Variants in CTNNBL1 observed in about 807,000 individuals in gnomAD.
The protein encoded by CTNNBL1 is beta-catenin-like protein 1.
CTNNBL1 carries 31 observed loss-of-function variants against 72.7 expected under a neutral mutation model. The ratio of observed to expected loss-of-function variants is 0.43; its 90% CI spans 0.32 to 0.58. CTNNBL1 has a LOEUF of 0.58. Ranked by LOEUF, CTNNBL1 falls within the 20% of genes least tolerant of loss-of-function variation. The pLI, the probability that CTNNBL1 is intolerant of heterozygous loss-of-function variation, is 0.08. For synonymous variants in CTNNBL1, 240 were observed against 267.3 expected, an observed-to-expected ratio of 0.90 and a Z score of 1.00; for missense variants, 534 against 725.1, an observed-to-expected ratio of 0.74 and a Z score of 3.03.
At chr20:37,841,907 C>T (rs754854177) in intron 12 of CTNNBL1, among the ~76,000 whole-genome samples, 30 of 152,150 alleles carry the variant, frequency 2.0e-4, no homozygotes, top group Non-Finnish European at 3.8e-4. Flanking sequence ...AAAAGATCAG[C>T]TCTGGGGCAG....
At chr20:37,859,622 C>CT (rs910010748) in intron 13 of CTNNBL1, among the ~76,000 whole-genome samples, 58 of 146,162 alleles carry the variant, frequency 4.0e-4, no homozygotes, top group Admixed American at 1.1e-3. Context: ...TTTTTTTTAG[C>CT]TTTTTTTATA....
At chr20:37,709,936 C>G (rs932953240) in intron 1 of CTNNBL1, among the ~76,000 whole-genome samples, 5 of 152,156 alleles carry the variant, frequency 3.3e-5, no homozygotes, top group Non-Finnish European at 7.3e-5. Context: ...TCTATTCCAG[C>G]TTCTTCTTTG....
At chr20:37,864,589 G>A (rs970187002) in intron 15 of CTNNBL1, among the ~76,000 whole-genome samples, 3 of 152,102 alleles carry the variant, frequency 2.0e-5, no homozygotes, top group South Asian at 2.1e-4. Context: ...CAGTGCTCCC[G>A]ACGTCCAGCC....
chr20:37,853,491 C>T (rs2072413895), intron 13 of CTNNBL1, among the ~76,000 whole-genome samples: 2 of 152,152 alleles, frequency 1.3e-5, no homozygotes, highest in Admixed American at 1.3e-4. Context: ...GTTTCAGGCA[C>T]CCTTCGAAGT....
chr20:37,727,065 T>A (rs1391114825), intron 1 of CTNNBL1, among the ~76,000 whole-genome samples: 1 of 152,158 alleles, frequency 6.6e-6, no homozygotes. Flanking sequence ...TCTGGTGATG[T>A]AGCCTCTTCC....
At chr20:37,790,681 A>G (rs940196528) in intron 10 of CTNNBL1, among the ~76,000 whole-genome samples, 1 of 152,250 alleles carries the variant, frequency 6.6e-6, no homozygotes, top group Non-Finnish European at 1.5e-5. Context: ...CAAAGAAGGT[A>G]GATAAACTGA....
chr20:37,807,781 A>C (rs1261848679), intron 11 of CTNNBL1, among the ~76,000 whole-genome samples: 1 of 152,190 alleles, frequency 6.6e-6, no homozygotes, highest in East Asian at 1.9e-4. Context: ...ATGGGTTGGA[A>C]AGAAATGATT....
intron 11 of CTNNBL1, among the ~76,000 whole-genome samples, chr20:37,831,153 C>G (rs2072205951): frequency 6.6e-6 from 1 of 152,196 alleles, no homozygotes; most frequent in African/African-American, 2.4e-5. Flanking sequence ...ACATCCAGCC[C>G]TGCATCTCTC....
chr20:37,855,869 A>T (rs148954401), intron 13 of CTNNBL1, among the ~76,000 whole-genome samples: 8 of 152,194 alleles, frequency 5.3e-5, no homozygotes, highest in African/African-American at 1.7e-4. Flanking sequence ...AAATCTCAGC[A>T]CACACAGCTC....
intron 1 of CTNNBL1, among the ~76,000 whole-genome samples, chr20:37,720,598 T>C (rs1303912063): frequency 6.6e-6 from 1 of 152,252 alleles, no homozygotes; most frequent in Non-Finnish European, 1.5e-5. Context: ...AGACATTGAC[T>C]ACGAGAATCT....
chr20:37,822,843 G>C (rs1342284443), intron 11 of CTNNBL1, among the ~76,000 whole-genome samples: 1 of 152,198 alleles, frequency 6.6e-6, no homozygotes, highest in African/African-American at 2.4e-5. Context: ...GAAGCACCCA[G>C]CATGTGAATC....
At chr20:37,831,417 G>C (rs1209496232) in intron 11 of CTNNBL1, among the ~76,000 whole-genome samples, 1 of 151,560 alleles carries the variant, frequency 6.6e-6, no homozygotes, top group Admixed American at 6.6e-5. Context: ...CCAGACTGGA[G>C]TGCAGTGGTG....
At chr20:37,698,515 A>G (rs1351172062) in intron 1 of CTNNBL1, among the ~76,000 whole-genome samples, 1 of 152,086 alleles carries the variant, frequency 6.6e-6, no homozygotes, top group Non-Finnish European at 1.5e-5. Flanking sequence ...CAGTCCCAAA[A>G]TCCACCTCAG....
chr20:37,770,662 T>C (rs1233051586), intron 7 of CTNNBL1, among the ~76,000 whole-genome samples: 1 of 152,216 alleles, frequency 6.6e-6, no homozygotes, highest in Admixed American at 6.5e-5. Flanking sequence ...TTTGATAGTT[T>C]AGCAAGCTAT....
At chr20:37,750,570 G>T (rs1332863604) in intron 4 of CTNNBL1, 1 of 152,064 alleles carries the variant, frequency 6.6e-6, no homozygotes, top group African/African-American at 2.4e-5. Flanking sequence ...ATCCATTTTT[G>T]TGGACTGCTT....
chr20:37,846,967 C>T (rs2072352194), intron 13 of CTNNBL1, among the ~76,000 whole-genome samples: 1 of 152,290 alleles, frequency 6.6e-6, no homozygotes. Context: ...TCATCGTTTT[C>T]TCAGGACAGC....
intron 10 of CTNNBL1, among the ~76,000 whole-genome samples, chr20:37,779,769 T>C (rs2073609857): frequency 6.6e-6 from 1 of 152,190 alleles, no homozygotes; most frequent in Non-Finnish European, 1.5e-5. Context: ...CCTCATTCAG[T>C]AATGAGTTGT....
chr20:37,767,021 C>T (rs2073474820), intron 6 of CTNNBL1, among the ~76,000 whole-genome samples: 1 of 152,132 alleles, frequency 6.6e-6, no homozygotes, highest in South Asian at 2.1e-4. Context: ...GCCTGGTCAT[C>T]CTTTAACTTG....
intron 3 of CTNNBL1, among the ~76,000 whole-genome samples, chr20:37,741,179 C>G (rs539164223): frequency 6.6e-6 from 1 of 152,176 alleles, no homozygotes; most frequent in Non-Finnish European, 1.5e-5. Context: ...ATTGCTTTCC[C>G]GTCACCTCTA....
Sources: allele counts gnomAD v4.1 joint callset (sites outside exome capture counted in the v4.1 genomes callset), GRCh38; gene constraint gnomAD v4.1.1; transcripts MANE v1.5; gene names NCBI Gene and HGNC (gene_info 2026-07-23, HGNC 2026-07-21).